Variants in CLIP1 observed in about 807,000 individuals in gnomAD.
The protein encoded by CLIP1 is CAP-Gly domain containing linker protein 1.
CLIP1 carries 66 observed loss-of-function variants against 161.6 expected under a neutral mutation model. That is an observed-to-expected ratio of 0.41 (90% CI 0.33 to 0.50). The LOEUF (loss-of-function observed/expected upper bound fraction) is 0.50, where lower values mean the gene tolerates loss of function less well. Among genes scored for constraint, CLIP1 ranks in the 20% least tolerant of loss-of-function variants. The pLI, the probability that CLIP1 is intolerant of heterozygous loss-of-function variation, is 0.27. For synonymous variants in CLIP1, 598 were observed against 626.2 expected, an observed-to-expected ratio of 0.96 and a Z score of 0.67; for missense variants, 1,376 against 1,702.0, an observed-to-expected ratio of 0.81 and a Z score of 3.37.
At chr12:122,320,192 G>C (rs1415046959) in intron 17 of CLIP1, among the ~76,000 whole-genome samples, 6 of 151,956 alleles carry the variant, frequency 3.9e-5, no homozygotes, top group Admixed American at 3.9e-4. Context: ...GTGTGAACCT[G>C]GGAGGCGGAG....
Position 122,328,335 on chromosome 12 carries a change from C to G in CLIP1, c.2959G>C (p.Glu987Gln). 6.2e-7 allele frequency: 1 copy of G among 1,614,096 alleles called. No individual in the cohort carries two copies. The highest frequency in any genetic ancestry group is 8.5e-7 in the Non-Finnish European group (1 of 1,180,020). Residue 987 changes from glutamate (E) to glutamine (Q), a missense_variant, in exon 16 of 26, where the codon GAA (glutamate) becomes CAA (glutamine). Physicochemically the swap from Glu to Gln is conservative, Grantham distance 29. This residue lies in a region of CLIP1 where 948 missense variants were observed against 1,134.8 expected (regional missense o/e 0.84). Transcript: ENST00000620786. ...KSIEDMTVKA[E>Q]QSQQEAAKKH... is the part of the protein sequence containing the mutation. The stretch of plus-strand genomic sequence containing the variant: ...TTAGCTGCTTCTTGCTGGCTCTGTT[C>G]AGCTTTGACAGTCATGTCCTCAATA...
intron 12 of CLIP1, among the ~76,000 whole-genome samples, chr12:122,335,567 G>T (rs933910387): frequency 3.3e-5 from 5 of 152,164 alleles, no homozygotes; most frequent in African/African-American, 1.2e-4. Context: ...AGCACTTTGG[G>T]AGGCCGAGGA....
chr12:122,288,546 G>GA lies in CLIP1; in HGVS notation c.3595-6dup, dbSNP rs2136293586. 2 of 1,603,212 alleles carry GA rather than the reference G, an allele frequency of 1.2e-6. No individual in the cohort carries two copies. Among genetic ancestry groups the GA allele is most frequent in the Non-Finnish European group, 1.7e-6 (2 of 1,179,056 alleles). On this transcript the variant is annotated splice_polypyrimidine_tract_variant and splice_region_variant and intron_variant, in intron 20 of 25. Transcript: ENST00000620786. ...CACAGATCTTTCTTCTTCCAGCTAG[G>GA]AAAAAAACACAAAAAACTTCAGTTC...
chr12:122,325,213 G>A (rs374622056), intron 17 of CLIP1, among the ~76,000 whole-genome samples: 3 of 151,468 alleles, frequency 2.0e-5, no homozygotes, highest in South Asian at 2.1e-4. Context: ...CTCCGCCACC[G>A]TGCCCGGCTA....
chr12:122,405,790 C>T (rs1035348392), intron 1 of CLIP1, among the ~76,000 whole-genome samples: 61 of 151,082 alleles, frequency 4.0e-4, no homozygotes, highest in African/African-American at 1.4e-3. Flanking sequence ...AAACAGCAGC[C>T]GGGTGTGGTT....
chr12:122,381,163 G>C (rs1201035483), intron 1 of CLIP1, among the ~76,000 whole-genome samples: 1 of 152,108 alleles, frequency 6.6e-6, no homozygotes, highest in African/African-American at 2.4e-5. Context: ...ATAAAAGAGG[G>C]TTCAGAAAAA....
intron 20 of CLIP1, among the ~76,000 whole-genome samples, chr12:122,302,862 C>G (rs1006318093): frequency 6.6e-6 from 1 of 152,106 alleles, no homozygotes; most frequent in Non-Finnish European, 1.5e-5. Context: ...CTCACACAGT[C>G]CTAGAATTAC....
chr12:122,333,500 C>G, intron 14 of CLIP1, among the ~76,000 whole-genome samples: 1 of 152,046 alleles, frequency 6.6e-6, no homozygotes, highest in Admixed American at 6.6e-5. Flanking sequence ...CGTCTGAGCA[C>G]CACAAGGAGG....
chr12:122,303,982 C>T (rs1271916245), intron 20 of CLIP1, among the ~76,000 whole-genome samples: 1 of 152,180 alleles, frequency 6.6e-6, no homozygotes, highest in Non-Finnish European at 1.5e-5. Context: ...TGCAGACGTT[C>T]CTGAGGGGGT....
At chr12:122,293,602 C>CCGGAGAATTTCTTAAAAAGG (rs1950341740) in intron 20 of CLIP1, among the ~76,000 whole-genome samples, 2 of 151,634 alleles carry the variant, frequency 1.3e-5, no homozygotes, top group African/African-American at 4.8e-5. Flanking sequence ...CCTCAGCCTC[C>CCGGAGAATTTCTTAAAAAGG]TGAGTAGCTG....
At chr12:122,389,758 C>CAAGAAAAAAAAAAAAA (rs1955505308) in intron 1 of CLIP1, among the ~76,000 whole-genome samples, 1 of 69,316 alleles carries the variant, frequency 1.4e-5, no homozygotes, top group Non-Finnish European at 2.6e-5. Flanking sequence ...GATCCTGTCT[C>CAAGAAAAAAAAAAAAA]AAAAAAAAAA....
chr12:122,304,520 C>T (rs1950796605), intron 20 of CLIP1, among the ~76,000 whole-genome samples: 1 of 152,158 alleles, frequency 6.6e-6, no homozygotes, highest in African/African-American at 2.4e-5. Flanking sequence ...ACCACCATGC[C>T]CGGCTAATTT....
At chr12:122,352,991 A>AT (rs1354170241) in intron 7 of CLIP1, among the ~76,000 whole-genome samples, 4 of 145,434 alleles carry the variant, frequency 2.8e-5, no homozygotes, top group African/African-American at 1.1e-4. Context: ...CAGTCCTTAT[A>AT]TTTAAAAAAA....
Position 122,295,146 on chromosome 12 carries a change from C to T in CLIP1, c.3595-6605G>A, listed in dbSNP as rs73404020. Among the ~76,000 whole-genome samples, 26 of 151,604 alleles carry T rather than the reference C, an allele frequency of 1.7e-4. No individual in the cohort carries two copies. The East Asian group carries it at 4.6e-3, about 27-fold the overall frequency. On this transcript the variant is annotated intron_variant, in intron 20 of 25. Coordinates refer to ENST00000620786, the MANE Select transcript of CLIP1 (RefSeq NM_001247997.2). Reference sequence around the variant, plus strand: ...CTCTTTGGGAGGCTGAGATGGGCGGCAAATCATTTGAGGTTGGAGTCCAAG... The same window carrying T: ...CTCTTTGGGAGGCTGAGATGGGCGGTAAATCATTTGAGGTTGGAGTCCAAG...
At chr12:122,388,384 T>A (rs926297503) in intron 1 of CLIP1, among the ~76,000 whole-genome samples, 2 of 152,150 alleles carry the variant, frequency 1.3e-5, no homozygotes, top group Admixed American at 6.6e-5. Flanking sequence ...CACGCCCGGC[T>A]AATTTTTTGT....
intron 20 of CLIP1, among the ~76,000 whole-genome samples, chr12:122,294,094 C>G (rs534264064): frequency 6.6e-6 from 1 of 151,454 alleles, no homozygotes; most frequent in South Asian, 2.1e-4. Context: ...TTTGGGAGGC[C>G]GAGGCGGGCG....
In CLIP1 at chr12:122,323,676, T is replaced by C. The variant is rs1951603529; in HGVS notation, c.3249+4271A>G. The stretch of plus-strand genomic sequence containing the variant: ...AGATTTCTGTTGTTCTGAAGAACAT[T>C]ATCTCGTTCTACCTTTAAGGCTATG... On this transcript the variant is annotated intron_variant, in intron 17 of 25. Coordinates refer to ENST00000620786, the MANE Select transcript of CLIP1 (RefSeq NM_001247997.2). The surrounding 1 kb of genome is among the most constrained non-coding windows in gnomAD (Gnocchi z 4.1). 1 of 152,700 alleles carries C rather than the reference T, an allele frequency of 6.5e-6. No individual in the cohort carries two copies. Among genetic ancestry groups the C allele is most frequent in the Non-Finnish European group, 1.5e-5 (1 of 68,058 alleles). The allele number at this position is 152,700 out of a possible 1,614,324, so 9.5% of individuals were successfully genotyped here.
intron 20 of CLIP1, among the ~76,000 whole-genome samples, chr12:122,308,947 G>A (rs1361011729): frequency 2.6e-5 from 4 of 151,964 alleles, no homozygotes; most frequent in Non-Finnish European, 5.9e-5. Context: ...AACACACAAC[G>A]GGAAAAAAAA....
At chr12:122,408,475 A>G (rs1956411415) in intron 1 of CLIP1, among the ~76,000 whole-genome samples, 1 of 151,884 alleles carries the variant, frequency 6.6e-6, no homozygotes, top group Admixed American at 6.6e-5. Context: ...CAGCCTCCCG[A>G]GTAGCTGGGA....
Sources: gnomAD v4.1 joint callset for allele counts (sites outside exome capture counted in the v4.1 genomes callset) on GRCh38, gnomAD v4.1.1 for gene constraint, gnomAD v4.1.1 regional missense constraint, Gnocchi (gnomAD v3.1) non-coding constraint, MANE v1.5 for transcripts, NCBI Gene and HGNC (gene_info 2026-07-23, HGNC 2026-07-21) for gene names.